Variants in ADAM23 observed in about 807,000 individuals in gnomAD.
ADAM23 encodes ADAM metallopeptidase domain 23, also known as disintegrin and metalloproteinase domain-containing protein 23.
Under a neutral mutation model 120.1 loss-of-function variants are expected in ADAM23, and 33 were observed. The ratio of observed to expected loss-of-function variants is 0.27; its 90% CI spans 0.21 to 0.37. ADAM23 has a LOEUF of 0.37. Ranked by LOEUF, ADAM23 falls within the 10% of genes least tolerant of loss-of-function variation. ADAM23 has a pLI of 1.00. For synonymous variants in ADAM23, 367 were observed against 375.2 expected (o/e 0.98, Z 0.25); for missense variants, 862 against 1,058.2 (o/e 0.81, Z 2.57).
chr2:206,602,524 G>A (rs1698657474), intron 24 of ADAM23, among the ~76,000 whole-genome samples: 1 of 152,040 alleles, frequency 6.6e-6, no homozygotes, highest in Non-Finnish European at 1.5e-5. Context: ...CCTGAAGAAA[G>A]CACTTTGGTC....
chr2:206,542,090 C>T lies in ADAM23; in HGVS notation c.612C>T (p.Gly204=), dbSNP rs780126514. 15 of 1,614,036 alleles carry T rather than the reference C, an allele frequency of 9.3e-6. No homozygotes were observed. The highest frequency in any genetic ancestry group is 3.3e-5 in the South Asian group (3 of 91,076). ...GTTACTACCATGGAAGCATCAGAGGCGTCAAAGACTCCAAGGTGGCTCTGT... is the reference window on the plus strand; with the variant it reads ...GTTACTACCATGGAAGCATCAGAGGTGTCAAAGACTCCAAGGTGGCTCTGT... ...EHCYYHGSIR[G]VKDSKVALST... Residue 204 remains glycine, a synonymous_variant, in exon 5 of 26, where the codon GGC becomes GGT. Transcript: ENST00000264377.
chr2:206,564,951 T>C, intron 13 of ADAM23, 69 bp from the exon 14 acceptor site: 1 of 1,552,448 alleles, frequency 6.4e-7, no homozygotes, highest in Non-Finnish European at 8.9e-7. Context: ...GGAGTTGTAA[T>C]ACCAAAAAAA....
intron 5 of ADAM23, 23 bp downstream of exon 5, chr2:206,542,157 T>G: frequency 1.2e-6 from 2 of 1,604,870 alleles, no homozygotes; most frequent in Non-Finnish European, 1.7e-6. Flanking sequence ...CTCATTGGCA[T>G]TTTATTCATT....
chr2:206,618,522 G>C lies in ADAM23; in HGVS notation c.*895G>C, dbSNP rs1488561471. ...TTGTAAAGGTTCTCTGTAAACTTGA[G>C]TTGATTTTTTGCTCCCCATCTTTTT... On this transcript the variant is annotated 3_prime_UTR_variant, in exon 26 of 26. Coordinates refer to ENST00000264377, the MANE Select transcript of ADAM23 (RefSeq NM_003812.4). 2.6e-5 allele frequency: 4 copies of C among 152,166 alleles called. No homozygotes were observed. Among genetic ancestry groups the C allele is most frequent in the Admixed American group, 6.5e-5 (1 of 15,272 alleles). 9.4% of individuals were successfully genotyped at this position (152,166 alleles called of 1,614,324 possible). A position where few individuals can be genotyped will look rare whatever the true frequency, so the allele number is the denominator to read the frequency against.
In ADAM23 at chr2:206,450,959, C is replaced by T. The variant is rs575498368; in HGVS notation, c.432+5435C>T. Among the ~76,000 whole-genome samples the T allele has an allele frequency of 5.9e-5, 9 of 152,270 alleles. 1 individual carries two copies. Among genetic ancestry groups the T allele is most frequent in the African/African-American group, 1.7e-4 (7 of 41,564 alleles). On this transcript the variant is annotated intron_variant, in intron 2 of 25. Coordinates refer to ENST00000264377, the MANE Select transcript of ADAM23 (RefSeq NM_003812.4). The stretch of plus-strand genomic sequence containing the variant: ...GGTGGAGTGTCAGAATCAAGGTAGC[C>T]GCTGATGTGTGGTTTATGTTAGTGC...
chr2:206,513,420 A>G (rs1415341434), intron 3 of ADAM23, among the ~76,000 whole-genome samples: 3 of 152,236 alleles, frequency 2.0e-5, no homozygotes, highest in Non-Finnish European at 4.4e-5. Context: ...CATTCCATTC[A>G]GTGAAAGCTG....
chr2:206,568,709 G>A (rs749759515), intron 15 of ADAM23, among the ~76,000 whole-genome samples: 3 of 152,160 alleles, frequency 2.0e-5, no homozygotes, highest in Non-Finnish European at 2.9e-5. Context: ...GGCAAATTTC[G>A]TATTTCTTTT....
intron 10 of ADAM23, 87 bp from the exon 11 acceptor site, chr2:206,559,868 C>T: frequency 8.2e-7 from 1 of 1,218,254 alleles, no homozygotes; most frequent in Non-Finnish European, 1.1e-6. Flanking sequence ...CCTCCCCCTT[C>T]CTGTCCTTCC....
chr2:206,610,677 C>G (rs1698810003), intron 25 of ADAM23, among the ~76,000 whole-genome samples: 1 of 152,180 alleles, frequency 6.6e-6, no homozygotes, highest in Non-Finnish European at 1.5e-5. Context: ...ACACTGCTTA[C>G]TGAACTAAGA....
chr2:206,503,546 G>A (rs1185646330), intron 3 of ADAM23, among the ~76,000 whole-genome samples: 1 of 152,076 alleles, frequency 6.6e-6, no homozygotes, highest in Non-Finnish European at 1.5e-5. Context: ...TGCCACTGGG[G>A]GGAAATCGTG....
chr2:206,501,629 G>A (rs79320984), intron 3 of ADAM23, among the ~76,000 whole-genome samples: 1,821 of 147,936 alleles, frequency 0.012, 18 homozygotes, highest in Middle Eastern at 0.041. Context: ...CACATAAGAA[G>A]CTATTTATAG....
chr2:206,487,946 G>T (rs1696051349), intron 3 of ADAM23, among the ~76,000 whole-genome samples: 2 of 152,186 alleles, frequency 1.3e-5, no homozygotes, highest in African/African-American at 4.8e-5. Context: ...GGAGAGTAAG[G>T]TAGTTTCGGA....
chr2:206,473,020 A>G (rs747758816), intron 2 of ADAM23, among the ~76,000 whole-genome samples: 2 of 152,202 alleles, frequency 1.3e-5, no homozygotes, highest in Non-Finnish European at 2.9e-5. Context: ...TAGATTGATT[A>G]ACATTTTCGG....
At chr2:206,608,380 G>T (rs990890667) in intron 24 of ADAM23, among the ~76,000 whole-genome samples, 3 of 152,044 alleles carry the variant, frequency 2.0e-5, no homozygotes, top group Non-Finnish European at 4.4e-5. Flanking sequence ...ACATCTTGCC[G>T]CTATCACTCA....
intron 3 of ADAM23, among the ~76,000 whole-genome samples, chr2:206,499,615 T>C (rs1696344211): frequency 6.6e-6 from 1 of 151,956 alleles, no homozygotes; most frequent in Non-Finnish European, 1.5e-5. Flanking sequence ...GTTGTGCACA[T>C]GTACCCTAAA....
At chr2:206,587,484 G>T (rs1369862606) in intron 19 of ADAM23, 109 bp downstream of exon 19, 1 of 800,160 alleles carries the variant, frequency 1.2e-6, no homozygotes, top group Non-Finnish European at 1.9e-6. Flanking sequence ...TTTTACTCAA[G>T]TAAATTATTA....
intron 2 of ADAM23, among the ~76,000 whole-genome samples, chr2:206,462,121 C>G (rs190733947): frequency 6.6e-6 from 1 of 152,190 alleles, no homozygotes; most frequent in Non-Finnish European, 1.5e-5. Context: ...GAATTCTAAA[C>G]AGGAGTGCTG....
In ADAM23 at chr2:206,569,580, G is replaced by A. The variant is rs191534823; in HGVS notation, c.1495-1160G>A. On this transcript the variant is annotated intron_variant, in intron 15 of 25. Transcript: ENST00000264377. ...TCCACACTGTTGGAGATAGTGACCC[G>A]TCTCAGGATGGAGGCAGAGTCCTAA... 9.2e-5 allele frequency among the ~76,000 whole-genome samples: 14 copies of A among 152,218 alleles called. No individual in the cohort carries two copies. In the East Asian group the frequency reaches 1.5e-3, roughly 17 times the overall value.
chr2:206,450,097 A>G lies in ADAM23; in HGVS notation c.432+4573A>G, dbSNP rs139101391. 6.1e-3 allele frequency among the ~76,000 whole-genome samples: 923 copies of G among 152,290 alleles called. 2 individuals are homozygous for G. Among genetic ancestry groups the G allele is most frequent in the Middle Eastern group, 0.014 (4 of 294 alleles). ...GTTCCATTGTTGTTGGTATGGGACA[A>G]CAGAAAGAGGAACATAGGATGAAGA... On this transcript the variant is annotated intron_variant, in intron 2 of 25. Transcript: ENST00000264377.
Sources: allele counts gnomAD v4.1 joint callset (sites outside exome capture counted in the v4.1 genomes callset), GRCh38; gene constraint gnomAD v4.1.1; transcripts MANE v1.5; gene names NCBI Gene and HGNC (gene_info 2026-07-23, HGNC 2026-07-21).